Variants in ULK4 observed in about 807,000 individuals in gnomAD.
ULK4 encodes the protein inactive serine/threonine-protein kinase ULK4.
ULK4 carries 133 observed loss-of-function variants against 160.6 expected under a neutral mutation model. That is an observed-to-expected ratio of 0.83 (90% CI 0.72 to 0.96). The LOEUF is 0.96. Among genes scored for constraint, ULK4 ranks in the 40% least tolerant of loss-of-function variants. The probability of loss-of-function intolerance (pLI) is 0.00; values close to 1 mark genes in which losing one functional copy is unlikely to be tolerated. For missense variants in ULK4, 1,580 were observed against 1,499.5 expected, an observed-to-expected ratio of 1.05 and a Z score of -0.89; for synonymous variants, 534 against 539.8, an observed-to-expected ratio of 0.99 and a Z score of 0.15.
intron 32 of ULK4, among the ~76,000 whole-genome samples, chr3:41,561,814 C>G (rs981757770): frequency 6.6e-6 from 1 of 152,112 alleles, no homozygotes; most frequent in Non-Finnish European, 1.5e-5. Flanking sequence ...AAAACCAGCT[C>G]CTGGATTCAC....
intron 34 of ULK4, among the ~76,000 whole-genome samples, chr3:41,446,255 G>C (rs1019257552): frequency 2.6e-5 from 4 of 152,138 alleles, no homozygotes; most frequent in Non-Finnish European, 5.9e-5. Flanking sequence ...TGGAGAAATA[G>C]GAACATTTTT....
Position 41,527,547 on chromosome 3 carries a change from G to C in ULK4, c.3226+38478C>G, listed in dbSNP as rs141328925. On this transcript the variant is annotated intron_variant, in intron 32 of 36. Transcript: ENST00000301831. ...GGGCTAACGCCAGTGGCATATGCCA[G>C]AGCCAGGATTTTCGAAGTGTGGAAG... Among the ~76,000 whole-genome samples the C allele has an allele frequency of 3.9e-5, 6 of 152,324 alleles. No individual in the cohort carries two copies. The East Asian group carries it at 1.2e-3, about 29-fold the overall frequency.
At chr3:41,872,913 G>C (rs568187325) in intron 17 of ULK4, among the ~76,000 whole-genome samples, 1 of 147,558 alleles carries the variant, frequency 6.8e-6, no homozygotes, top group Non-Finnish European at 1.5e-5. Flanking sequence ...CCAGCAATTT[G>C]GGAGGCCAAG....
At position 41,655,271 on chromosome 3, in the gene ULK4, G is replaced by A. The variant is rs75720917; in HGVS notation, c.3071+8336C>T. 4.0e-3 allele frequency among the ~76,000 whole-genome samples: 588 copies of A among 148,436 alleles called. 4 individuals are homozygous for A. Among genetic ancestry groups the A allele is most frequent in the Non-Finnish European group, 6.6e-3 (445 of 67,318 alleles). The stretch of plus-strand genomic sequence containing the variant: ...AAACCATCATTCTCAGCAAACTATC[G>A]CAAGGACAAAAAACCAAACACCGCA... On this transcript the variant is annotated intron_variant, in intron 30 of 36. Coordinates refer to ENST00000301831, the MANE Select transcript of ULK4 (RefSeq NM_017886.4).
At chr3:41,447,071 G>T (rs1472253372) in intron 34 of ULK4, among the ~76,000 whole-genome samples, 37 of 97,962 alleles carry the variant, frequency 3.8e-4, no homozygotes, top group Non-Finnish European at 2.4e-4. Context: ...GTGACAGAGC[G>T]AGACTCTGTC....
intron 11 of ULK4, among the ~76,000 whole-genome samples, chr3:41,910,639 A>T (rs771294673): frequency 6.6e-6 from 1 of 152,046 alleles, no homozygotes; most frequent in Non-Finnish European, 1.5e-5. Flanking sequence ...AAAAGTATTT[A>T]AAGAAAAACA....
chr3:41,785,554 G>A (rs2039976593), intron 21 of ULK4, among the ~76,000 whole-genome samples: 1 of 152,082 alleles, frequency 6.6e-6, no homozygotes, highest in Admixed American at 6.5e-5. Flanking sequence ...CATTGTAAAA[G>A]ACCATAATAT....
intron 32 of ULK4, among the ~76,000 whole-genome samples, chr3:41,477,555 A>G (rs2084181000): frequency 1.3e-5 from 2 of 152,238 alleles, no homozygotes; most frequent in African/African-American, 4.8e-5. Context: ...GTATAAAAGC[A>G]TTTGTGAAAT....
intron 17 of ULK4, among the ~76,000 whole-genome samples, chr3:41,843,664 G>T (rs1390825596): frequency 1.3e-5 from 2 of 152,138 alleles, no homozygotes; most frequent in East Asian, 3.9e-4. Context: ...GCTCATAAAG[G>T]CAGTGTGGAC....
intron 21 of ULK4, among the ~76,000 whole-genome samples, chr3:41,773,900 C>G (rs568811597): frequency 7.3e-4 from 111 of 151,864 alleles, no homozygotes; most frequent in Admixed American, 2.0e-3. Flanking sequence ...CAGAACAGAG[C>G]CCTCAGAAAT....
intron 2 of ULK4, among the ~76,000 whole-genome samples, chr3:41,949,485 C>G (rs771124105): frequency 6.9e-6 from 1 of 145,928 alleles, no homozygotes; most frequent in Non-Finnish European, 1.5e-5. Context: ...CAGGCTGGAG[C>G]GCAATTACAC....
chr3:41,904,003 A>C (rs1698464866), intron 12 of ULK4, among the ~76,000 whole-genome samples: 1 of 152,030 alleles, frequency 6.6e-6, no homozygotes, highest in African/African-American at 2.4e-5. Context: ...AAAAAAAAAA[A>C]AAAAAAAGTA....
chr3:41,655,199 TA>T (rs1330555612), intron 30 of ULK4, among the ~76,000 whole-genome samples: 2 of 151,416 alleles, frequency 1.3e-5, no homozygotes, highest in African/African-American at 4.9e-5. Flanking sequence ...TACGCAGCCA[TA>T]ACAAGGATGA....
At chr3:41,571,000 G>A (rs1559403933) in intron 31 of ULK4, among the ~76,000 whole-genome samples, 1 of 152,192 alleles carries the variant, frequency 6.6e-6, no homozygotes, top group East Asian at 1.9e-4. Context: ...TAAAAAAAGA[G>A]ATGAATAATC....
At chr3:41,493,727 T>TA (rs1331475651) in intron 32 of ULK4, among the ~76,000 whole-genome samples, 9 of 149,950 alleles carry the variant, frequency 6.0e-5, no homozygotes, top group African/African-American at 2.2e-4. Flanking sequence ...ATAGATGCAA[T>TA]AAAAAATGAT....
intron 34 of ULK4, among the ~76,000 whole-genome samples, chr3:41,416,751 A>C (rs2082536261): frequency 6.6e-6 from 1 of 152,194 alleles, no homozygotes; most frequent in African/African-American, 2.4e-5. Context: ...GAAATGCCCC[A>C]TGTGAAACAG....
chr3:41,313,764 C>T (rs1399699162), intron 35 of ULK4, among the ~76,000 whole-genome samples: 1 of 152,156 alleles, frequency 6.6e-6, no homozygotes, highest in African/African-American at 2.4e-5. Context: ...AGTTCCTTTA[C>T]ACTCCTGCCA....
chr3:41,929,027 G>C (rs1699487829), intron 5 of ULK4, among the ~76,000 whole-genome samples: 1 of 151,674 alleles, frequency 6.6e-6, no homozygotes, highest in Admixed American at 6.6e-5. Context: ...AAGCCTGACG[G>C]AGATATTAAA....
intron 1 of ULK4, among the ~76,000 whole-genome samples, chr3:41,956,603 G>T (rs921733370): frequency 6.6e-6 from 1 of 152,014 alleles, no homozygotes; most frequent in African/African-American, 2.4e-5. Flanking sequence ...GCCCCACCTA[G>T]ACCTTATTAA....
Sources: allele counts gnomAD v4.1 joint callset (sites outside exome capture counted in the v4.1 genomes callset), GRCh38; gene constraint gnomAD v4.1.1; transcripts MANE v1.5; gene names NCBI Gene and HGNC (gene_info 2026-07-23, HGNC 2026-07-21).